Variants in FAM228B observed in about 807,000 individuals in gnomAD.
The protein encoded by FAM228B is protein FAM228B.
In FAM228B, 38 loss-of-function variants were observed where a neutral mutation model predicts 42.6. That is an observed-to-expected ratio of 0.89 (90% CI 0.69 to 1.17). The LOEUF is 1.17. Among genes scored for constraint, FAM228B ranks in the 50% most tolerant of loss-of-function variants. The probability of loss-of-function intolerance (pLI) is 0.00; values close to 1 mark genes in which losing one functional copy is unlikely to be tolerated. For missense variants in FAM228B, 344 were observed against 367.3 expected, an observed-to-expected ratio of 0.94 and a Z score of 0.52; for synonymous variants, 109 against 122.3, an observed-to-expected ratio of 0.89 and a Z score of 0.72.
chr2:24,150,613 T>C (rs529487433), intron 7 of FAM228B, among the ~76,000 whole-genome samples: 4 of 151,936 alleles, frequency 2.6e-5, no homozygotes, highest in Non-Finnish European at 4.4e-5. Flanking sequence ...TTAATAGCGA[T>C]GGGGTTTCTC....
chr2:24,133,978 A>AAATTTGTTCC lies in FAM228B; in HGVS notation c.100-1136_100-1127dup, dbSNP rs570715302. Among the ~76,000 whole-genome samples the AAATTTGTTCC allele has an allele frequency of 1.8e-3, 275 of 152,376 alleles. 2 individuals carry two copies. Among genetic ancestry groups the AAATTTGTTCC allele is most frequent in the African/African-American group, 6.3e-3 (262 of 41,586 alleles). On this transcript the variant is annotated intron_variant, in intron 2 of 10. Transcript: ENST00000615575. ...ATAGCCATATTCACTAATGATAAAT[A>AAATTTGTTCC]AATTTGTTCCAATTATATTTATGTC...
chr2:24,161,185 C>A (rs1375387518), intron 7 of FAM228B, among the ~76,000 whole-genome samples: 1 of 152,168 alleles, frequency 6.6e-6, no homozygotes, highest in Non-Finnish European at 1.5e-5. Flanking sequence ...GAGGCTCATG[C>A]CTATCATCTC....
At chr2:24,107,159 A>G (rs1665715863) in intron 3 of FAM228B, among the ~76,000 whole-genome samples, 1 of 152,210 alleles carries the variant, frequency 6.6e-6, no homozygotes, top group South Asian at 2.1e-4. Context: ...ACTTTAACCT[A>G]ACAAAGATAA....
intron 3 of FAM228B, among the ~76,000 whole-genome samples, chr2:24,108,930 T>G (rs1427425399): frequency 6.6e-6 from 1 of 151,426 alleles, no homozygotes; most frequent in East Asian, 1.9e-4. Flanking sequence ...AAAGCTATTT[T>G]GAAATTCATA....
intron 3 of FAM228B, among the ~76,000 whole-genome samples, chr2:24,108,762 G>A (rs545524801): frequency 1.3e-5 from 2 of 151,968 alleles, no homozygotes; most frequent in Admixed American, 1.3e-4. Flanking sequence ...TTAGCTGGGT[G>A]TGGTGGTGGG....
chr2:24,146,801 T>C lies in FAM228B; in HGVS notation c.495T>C (p.Asp165=), dbSNP rs933672292. The part of the protein sequence containing the change: ...DPLKKAQYDK[D]NEKRTLLQCE... ...TGAAAAAAGCACAATATGACAAGGATAACGAAAAAAGAACTCTTCTTCAGT... is the reference window on the plus strand; with the variant it reads ...TGAAAAAAGCACAATATGACAAGGACAACGAAAAAAGAACTCTTCTTCAGT... The change falls in exon 6 of 11, where the codon GAT becomes GAC. Residue 165 remains aspartate (D), a synonymous_variant. Transcript: ENST00000615575. 8 of 1,549,838 alleles carry C rather than the reference T, an allele frequency of 5.2e-6. No homozygotes were observed. The highest frequency in any genetic ancestry group is 7.0e-6 in the Non-Finnish European group (8 of 1,145,820).
intron 3 of FAM228B, among the ~76,000 whole-genome samples, chr2:24,117,839 T>G (rs1002180794): frequency 6.6e-6 from 1 of 152,176 alleles, no homozygotes; most frequent in African/African-American, 2.4e-5. Context: ...GAAACAAAAG[T>G]CAGTCATAAG....
intron 3 of FAM228B, among the ~76,000 whole-genome samples, chr2:24,116,525 A>G (rs1219141658): frequency 6.6e-6 from 1 of 152,026 alleles, no homozygotes; most frequent in Admixed American, 6.6e-5. Context: ...AGTCTTGCAG[A>G]ATAAGTCACA....
At chr2:24,156,526 G>C (rs1667149456) in intron 7 of FAM228B, among the ~76,000 whole-genome samples, 1 of 152,110 alleles carries the variant, frequency 6.6e-6, no homozygotes, top group Admixed American at 6.5e-5. Context: ...CCCAGCTACT[G>C]TGGAGGCTGA....
rs11896896 is a variant in FAM228B at position 24,169,025 on chromosome 2, A to G, written c.*15-331A>G. On this transcript the variant is annotated intron_variant, in intron 10 of 10. Transcript: ENST00000615575. This position sits in a 1 kb window ranked among gnomAD's most constrained non-coding sequence, Gnocchi z 4.2. ...AGGAACCTAGTATTTTCTAAATCAC[A>G]ACAATCCAAGTGGAAATTAGTACTC... Among the ~76,000 whole-genome samples, 4,503 of 152,310 alleles carry G rather than the reference A, an allele frequency of 0.03. 86 individuals carry two copies. The highest frequency in any genetic ancestry group is 0.058 in the African/African-American group (2,390 of 41,558).
chr2:24,091,778 A>G (rs1665396436), intron 2 of FAM228B, among the ~76,000 whole-genome samples: 1 of 152,226 alleles, frequency 6.6e-6, no homozygotes, highest in South Asian at 2.1e-4. Context: ...ATGTTTTTAG[A>G]TGAGAATACA....
intron 2 of FAM228B, among the ~76,000 whole-genome samples, chr2:24,126,389 G>C (rs1307374712): frequency 6.6e-6 from 1 of 152,280 alleles, no homozygotes; most frequent in Admixed American, 6.5e-5. Flanking sequence ...ATTTTAAAAA[G>C]ATGTATAGTG....
At chr2:24,167,587 T>C in intron 9 of FAM228B, 40 bp from the exon 10 acceptor site, 1 of 1,551,048 alleles carries the variant, frequency 6.4e-7, no homozygotes, top group Non-Finnish European at 8.7e-7. Flanking sequence ...ATGGCCAGTC[T>C]CGTATAACAT....
intron 3 of FAM228B, among the ~76,000 whole-genome samples, chr2:24,116,030 G>A (rs1364489196): frequency 1.3e-5 from 2 of 151,922 alleles, no homozygotes; most frequent in Non-Finnish European, 2.9e-5. Context: ...CTATGACCTA[G>A]ACTTAAAACT....
At chr2:24,164,535 TCACACGATGAGGGTGCCCCCTGGTGGAGC>T (rs143598001) in intron 9 of FAM228B, among the ~76,000 whole-genome samples, 200 bp downstream of exon 9, 123,505 of 144,800 alleles carry the variant, frequency 0.85, 54,928 homozygotes, top group East Asian at 0.95. Context: ...CCTGGTGGAG[TCACACGATGAGGGTGCCCCCTGGTGGAGC>T]CACACGATGA....
At chr2:24,148,780 A>G (rs192803146) in intron 7 of FAM228B, among the ~76,000 whole-genome samples, 163 of 152,284 alleles carry the variant, frequency 1.1e-3, no homozygotes, top group African/African-American at 3.8e-3. Context: ...GTTATTGACT[A>G]TAGTCCCCTT....
chr2:24,081,791 G>C (rs141620611), intron 2 of FAM228B, among the ~76,000 whole-genome samples: 1 of 150,404 alleles, frequency 6.6e-6, no homozygotes, highest in Admixed American at 6.6e-5. Flanking sequence ...CCCCCCCTGC[G>C]TTCATGCCAT....
At chr2:24,098,539 G>T (rs1665547163) in intron 3 of FAM228B, among the ~76,000 whole-genome samples, 1 of 152,124 alleles carries the variant, frequency 6.6e-6, no homozygotes, top group Non-Finnish European at 1.5e-5. Context: ...TAGAAGAAAT[G>T]GATAAATTCC....
At chr2:24,154,742 G>A (rs1667095773) in intron 7 of FAM228B, among the ~76,000 whole-genome samples, 1 of 152,100 alleles carries the variant, frequency 6.6e-6, no homozygotes, top group Non-Finnish European at 1.5e-5. Flanking sequence ...TTACTTCTTT[G>A]CCTTGAAATC....
Sources: gnomAD v4.1 joint callset for allele counts (sites outside exome capture counted in the v4.1 genomes callset) on GRCh38, gnomAD v4.1.1 for gene constraint, Gnocchi (gnomAD v3.1) non-coding constraint, MANE v1.5 for transcripts, NCBI Gene and HGNC (gene_info 2026-07-23, HGNC 2026-07-21) for gene names.